Variants in CFAP46 observed in about 807,000 individuals in gnomAD.
CFAP46 encodes the protein cilia and flagella associated protein 46, also known as cilia- and flagella-associated protein 46.
A neutral mutation model predicts 325.7 loss-of-function variants in CFAP46; 245 were observed. The ratio of observed to expected loss-of-function variants is 0.75; its 90% CI spans 0.68 to 0.84. The LOEUF is 0.84. CFAP46 is among the 40% of genes least tolerant of loss of function. The pLI, the probability that CFAP46 is intolerant of heterozygous loss-of-function variation, is 0.00. For synonymous variants in CFAP46, 1,523 were observed against 1,495.9 expected, an observed-to-expected ratio of 1.02 and a Z score of -0.42; for missense variants, 3,346 against 3,543.0, an observed-to-expected ratio of 0.94 and a Z score of 1.41.
rs374311746 is a variant in CFAP46, at chr10:132,920,934, C to T, written c.1607-752G>A. On this transcript the variant is annotated intron_variant, in intron 13 of 57. Transcript: ENST00000368586. The stretch of plus-strand genomic sequence containing the variant: ...AGTCAGGAAGGCAAAACAGGTGAGT[C>T]TGGGTCCTACTGGTGGATCTGCAGC... Among the ~76,000 whole-genome samples the T allele has an allele frequency of 3.5e-3, 532 of 152,384 alleles. 4 individuals are homozygous for T. Among genetic ancestry groups the T allele is most frequent in the African/African-American group, 0.011 (464 of 41,592 alleles).
intron 3 of CFAP46, 21 bp downstream of exon 3, chr10:132,941,570 G>T: frequency 6.2e-7 from 1 of 1,606,286 alleles, no homozygotes; most frequent in Non-Finnish European, 8.5e-7. Flanking sequence ...TTGGGGATAA[G>T]GGGCACAGGA....
rs535326903 is a variant in CFAP46 at position 132,837,059 on chromosome 10, G to C, written c.6439-145C>G. 75 of 623,786 alleles carry C rather than the reference G, an allele frequency of 1.2e-4. 2 individuals are homozygous for C. The South Asian group carries it at 1.4e-3, about 12-fold the overall frequency. 38.6% of individuals were successfully genotyped at this position (623,786 alleles called of 1,614,324 possible). A position where few individuals can be genotyped will look rare whatever the true frequency, so the allele number is the denominator to read the frequency against. On this transcript the variant is annotated intron_variant, in intron 44 of 57. Transcript: ENST00000368586. ...CTGCCCGAGGCTGGGCCCTTGGGGTGGGGGGCCCTGCTGGAAGTGACTCGG... is the reference window on the plus strand; with the variant it reads ...CTGCCCGAGGCTGGGCCCTTGGGGTCGGGGGCCCTGCTGGAAGTGACTCGG...
chr10:132,823,353 T>C (rs1430698910), intron 50 of CFAP46, among the ~76,000 whole-genome samples: 1 of 118,628 alleles, frequency 8.4e-6, no homozygotes, highest in Non-Finnish European at 1.7e-5. Context: ...CTGTGTGTGC[T>C]GAGTGCTGAT....
intron 10 of CFAP46, among the ~76,000 whole-genome samples, chr10:132,926,354 C>T (rs1010193793): frequency 2.1e-4 from 32 of 152,296 alleles, no homozygotes; most frequent in Non-Finnish European, 4.1e-4. Context: ...GACCCCACCC[C>T]ACCAGGGCGG....
chr10:132,880,829 G>A, intron 28 of CFAP46, 32 bp downstream of exon 28: 2 of 1,534,490 alleles, frequency 1.3e-6, no homozygotes, highest in Non-Finnish European at 1.8e-6. Flanking sequence ...GAGCGGCGTG[G>A]GGTCGGCACC....
intron 44 of CFAP46, among the ~76,000 whole-genome samples, chr10:132,845,159 T>TCCAGGCGCAGGG: frequency 6.6e-6 from 1 of 152,324 alleles, no homozygotes; most frequent in South Asian, 2.1e-4. Flanking sequence ...AGCATCTTCC[T>TCCAGGCGCAGGG]CCAGGCGCAG....
At chr10:132,822,885 C>A (rs28972894) in intron 50 of CFAP46, among the ~76,000 whole-genome samples, 2 of 98,934 alleles carry the variant, frequency 2.0e-5, no homozygotes, top group Non-Finnish European at 3.9e-5. Flanking sequence ...GCTGTGTGTG[C>A]GCTGATGTGT....
chr10:132,844,713 G>A (rs1407299468), intron 44 of CFAP46, among the ~76,000 whole-genome samples: 2 of 152,168 alleles, frequency 1.3e-5, no homozygotes, highest in South Asian at 4.1e-4. Context: ...AGCTCCTATG[G>A]GGTGAGCTCT....
intron 50 of CFAP46, among the ~76,000 whole-genome samples, chr10:132,824,718 T>TGCTGTGTCC (rs1491562542): frequency 8.4e-5 from 3 of 35,624 alleles, no homozygotes; most frequent in African/African-American, 5.0e-4. Context: ...GCTGTGTGTG[T>TGCTGTGTCC]ACTGATGTGT....
intron 17 of CFAP46, among the ~76,000 whole-genome samples, chr10:132,913,816 G>A (rs1411943217): frequency 6.7e-6 from 1 of 150,252 alleles, no homozygotes; most frequent in Non-Finnish European, 1.5e-5. Context: ...GGGGCAGAGC[G>A]TCTCTGCCCC....
chr10:132,849,483 C>T (rs1332008106), intron 41 of CFAP46, among the ~76,000 whole-genome samples: 1 of 152,208 alleles, frequency 6.6e-6, no homozygotes, highest in Non-Finnish European at 1.5e-5. Flanking sequence ...AGCCCAGCTT[C>T]TCTGCTGGGG....
Position 132,929,813 on chromosome 10 carries a change from A to G in CFAP46, c.867-9T>C. On this transcript the variant is annotated splice_polypyrimidine_tract_variant and intron_variant, in intron 8 of 57. Coordinates refer to ENST00000368586, the MANE Select transcript of CFAP46 (RefSeq NM_001200049.3). ...CAAAAAGCAAAAGCATTCTGCAAAC[A>G]AACAAACCAGCCAGCACCGGCTCAA... The G allele has an allele frequency of 1.2e-6, 2 of 1,603,846 alleles. No homozygotes were observed. Among genetic ancestry groups the G allele is most frequent in the Non-Finnish European group, 1.7e-6 (2 of 1,173,134 alleles).
intron 10 of CFAP46, among the ~76,000 whole-genome samples, chr10:132,925,793 G>A (rs1174994267): frequency 1.3e-5 from 2 of 152,242 alleles, no homozygotes; most frequent in East Asian, 3.9e-4. Context: ...GATGCGTTAG[G>A]AGTGGGGATG....
chr10:132,817,875 T>A lies in CFAP46; in HGVS notation c.7118-2961A>T, dbSNP rs1847723668. Among the ~76,000 whole-genome samples, 1 of 152,218 alleles carries A rather than the reference T, an allele frequency of 6.6e-6. No individual in the cohort carries two copies. Among genetic ancestry groups the A allele is most frequent in the East Asian group, 1.9e-4 (1 of 5,194 alleles). On this transcript the variant is annotated intron_variant, in intron 50 of 57. Coordinates refer to ENST00000368586, the MANE Select transcript of CFAP46 (RefSeq NM_001200049.3). This position sits in a 1 kb window ranked among gnomAD's most constrained non-coding sequence, Gnocchi z 4.4. ...GGTCACTGGGTCACAGTGAACGGCG[T>A]CGGCCGCGCTCTGCCTGGAGGCTCC...
intron 50 of CFAP46, among the ~76,000 whole-genome samples, chr10:132,823,716 T>C (rs1378189793): frequency 2.9e-5 from 4 of 139,590 alleles, no homozygotes; most frequent in African/African-American, 5.4e-5. Flanking sequence ...TGTGCTGACG[T>C]GTGCTGTGTG....
At position 132,832,038 on chromosome 10, in the gene CFAP46, C is replaced by T. The variant is rs553974241; in HGVS notation, c.7117+1320G>A. Among the ~76,000 whole-genome samples the T allele has an allele frequency of 5.9e-4, 90 of 152,302 alleles. 1 individual carries two copies. Among genetic ancestry groups the T allele is most frequent in the African/African-American group, 2.0e-3 (83 of 41,562 alleles). On this transcript the variant is annotated intron_variant, in intron 50 of 57. Coordinates refer to ENST00000368586, the MANE Select transcript of CFAP46 (RefSeq NM_001200049.3). The surrounding 1 kb of genome is among the most constrained non-coding windows in gnomAD (Gnocchi z 4.1). ...TAAATACTTTGCTTCCATTCCCTCC[C>T]TCTCATCTTTTGTGCTGTCGTCATT...
intron 9 of CFAP46, chr10:132,929,423 T>C (rs754628203): frequency 4.3e-6 from 3 of 694,498 alleles, no homozygotes; most frequent in Non-Finnish European, 8.2e-6. Flanking sequence ...ATCAGCATCA[T>C]GAAATTTTAC....
At chr10:132,849,229 C>T (rs1296908447) in intron 41 of CFAP46, among the ~76,000 whole-genome samples, 1 of 152,240 alleles carries the variant, frequency 6.6e-6, no homozygotes, top group East Asian at 1.9e-4. Context: ...CTGGTCCACA[C>T]CCACCCGCTA....
At position 132,827,012 on chromosome 10, in the gene CFAP46, T is replaced by C. The variant is rs2134953798; in HGVS notation, c.7117+6346A>G. ...CCATTTGGGCATTTTTCTAGAGCCA[T>C]GGTGCACTTCACTATCAAAAACGGT... On this transcript the variant is annotated intron_variant, in intron 50 of 57. Coordinates refer to ENST00000368586, the MANE Select transcript of CFAP46 (RefSeq NM_001200049.3). The surrounding 1 kb of genome is among the most constrained non-coding windows in gnomAD (Gnocchi z 5.7). Among the ~76,000 whole-genome samples, 1 of 152,252 alleles carries C rather than the reference T, an allele frequency of 6.6e-6. No homozygotes were observed. The highest frequency in any genetic ancestry group is 2.1e-4 in the South Asian group (1 of 4,828).
Sources: allele counts gnomAD v4.1 joint callset (sites outside exome capture counted in the v4.1 genomes callset), GRCh38; gene constraint gnomAD v4.1.1; non-coding constraint Gnocchi (gnomAD v3.1); transcripts MANE v1.5; gene names NCBI Gene and HGNC (gene_info 2026-07-23, HGNC 2026-07-21).